MYOC: variants seen among roughly 807,000 people sequenced by gnomAD.
MYOC encodes myocilin.
Under a neutral mutation model 28.2 loss-of-function variants are expected in MYOC, and 29 were observed. The ratio of observed to expected loss-of-function variants is 1.03; its 90% CI spans 0.77 to 1.40. The LOEUF is 1.40. Ranked by LOEUF, MYOC falls within the 40% of genes most tolerant of loss-of-function variation. The pLI is 0.00. For synonymous variants in MYOC, 240 were observed against 245.6 expected, an observed-to-expected ratio of 0.98 and a Z score of 0.21; for missense variants, 569 against 620.6, an observed-to-expected ratio of 0.92 and a Z score of 0.88.
chr1:171,636,323 A>C lies in MYOC; in HGVS notation c.1117T>G (p.Trp373Gly). ...AAGTCAATGTCCGTGTAGCCACCCC[A>C]AGAATACGGGAACTGTCCGTGGTAG... ...AGYHGQFPYS[W>G]GGYTDIDLAV... Residue 373 changes from tryptophan to glycine, a missense_variant, in exon 3 of 3, where the codon TGG becomes GGG. Coordinates refer to ENST00000037502, the MANE Select transcript of MYOC (RefSeq NM_000261.2). The C allele has an allele frequency of 6.2e-7, 1 of 1,613,894 alleles. No homozygotes were observed. Among genetic ancestry groups the C allele is most frequent in the East Asian group, 2.2e-5 (1 of 44,864 alleles).
chr1:171,643,672 A>G (rs1332539240), intron 1 of MYOC, among the ~76,000 whole-genome samples: 7 of 152,160 alleles, frequency 4.6e-5, no homozygotes, highest in Middle Eastern at 3.4e-3. Flanking sequence ...CATTGTCTCA[A>G]CTCTCAGAAT....
At position 171,635,868 on chromosome 1, in the gene MYOC, C is replaced by T. The variant is rs1006906217; in HGVS notation, c.*57G>A. The T allele has an allele frequency of 1.8e-5, 29 of 1,590,362 alleles. No homozygotes were observed. The East Asian group carries it at 2.0e-4, about 11-fold the overall frequency. ...TGGCTGGCTCTCCCTTCAGCCTGCT[C>T]CCCCCAGGAGCCCTGAGCATCTCCT... On this transcript the variant is annotated 3_prime_UTR_variant, in exon 3 of 3. Transcript: ENST00000037502.
intron 1 of MYOC, among the ~76,000 whole-genome samples, chr1:171,651,474 G>A (rs921373816): frequency 1.3e-5 from 2 of 152,160 alleles, no homozygotes; most frequent in Non-Finnish European, 2.9e-5. Context: ...ATTGGACTGA[G>A]TAAGAAAACT....
rs755765093 is a variant in MYOC at position 171,652,116 on chromosome 1, G to C, written c.496C>G (p.Leu166Val). The C allele has an allele frequency of 3.7e-6, 6 of 1,614,020 alleles. No individual in the cohort carries two copies. In the Admixed American group the frequency reaches 1.0e-4, roughly 27 times the overall value. The change falls in exon 1 of 3, where the codon CTG becomes GTG. Residue 166 changes from leucine (L) to valine (V), a missense_variant. Transcript: ENST00000037502. ...KKRLRQENEN[L>V]ARRLESSSQE... ...CTGCTGCTTTCCAACCTCCTGGCCAGATTCTCATTTTCTTGCCTTAGTCGC... is the reference window on the plus strand; with the variant it reads ...CTGCTGCTTTCCAACCTCCTGGCCACATTCTCATTTTCTTGCCTTAGTCGC...
chr1:171,645,371 G>C (rs899253574), intron 1 of MYOC, among the ~76,000 whole-genome samples: 1 of 151,992 alleles, frequency 6.6e-6, no homozygotes, highest in African/African-American at 2.4e-5. Context: ...CTTGCCACAC[G>C]TTGCAGGTTG....
At position 171,651,988 on chromosome 1, in the gene MYOC, C is replaced by T. The variant is rs370387906; in HGVS notation, c.604+20G>A. 14 of 1,613,990 alleles carry T rather than the reference C, an allele frequency of 8.7e-6. No individual in the cohort carries two copies. The highest frequency in any genetic ancestry group is 1.2e-5 in the Non-Finnish European group (14 of 1,180,038). On this transcript the variant is annotated intron_variant, in intron 1 of 2. Transcript: ENST00000037502. ...CATATCACCTGCTGAACTCAGAGTC[C>T]CCCCACTCTGCATTCTTACCTTCTC...
At chr1:171,651,676 A>G (rs1292469571) in intron 1 of MYOC, among the ~76,000 whole-genome samples, 1 of 152,230 alleles carries the variant, frequency 6.6e-6, no homozygotes, top group African/African-American at 2.4e-5. Context: ...AAAAAAGGAT[A>G]GTTTTTCAAA....
At chr1:171,642,492 G>A (rs1033109442) in intron 1 of MYOC, among the ~76,000 whole-genome samples, 12 of 151,780 alleles carry the variant, frequency 7.9e-5, no homozygotes, top group Non-Finnish European at 1.8e-4. Flanking sequence ...GCAGTCTGTG[G>A]TCTCAGCTAC....
Position 171,636,718 on chromosome 1 carries a change from T to C in MYOC, c.731-9A>G. ...AACTAGTTCTCCACATCCTGGTAAA[T>C]TCAGAAAAGAAAACGAAGCACCACT... is the stretch of plus-strand genomic sequence containing the variant. On this transcript the variant is annotated splice_polypyrimidine_tract_variant and intron_variant, in intron 2 of 2. Transcript: ENST00000037502. The C allele has an allele frequency of 6.2e-7, 1 of 1,600,338 alleles. No homozygotes were observed. Among genetic ancestry groups the C allele is most frequent in the African/African-American group, 1.3e-5 (1 of 75,022 alleles).
At chr1:171,651,341 G>A (rs537883267) in intron 1 of MYOC, among the ~76,000 whole-genome samples, 3,420 of 68,212 alleles carry the variant, frequency 0.05, 103 homozygotes, top group Middle Eastern at 0.11. Flanking sequence ...CCTCACCCCC[G>A]CACCCCCCCC....
At position 171,651,999 on chromosome 1, in the gene MYOC, C is replaced by A. The variant is rs1310847885; in HGVS notation, c.604+9G>T. On this transcript the variant is annotated intron_variant, in intron 1 of 2. Transcript: ENST00000037502. ...CTGAACTCAGAGTCCCCCCACTCTGCATTCTTACCTTCTCTGGAGCCTGGT... is the reference window on the plus strand; with the variant it reads ...CTGAACTCAGAGTCCCCCCACTCTGAATTCTTACCTTCTCTGGAGCCTGGT... 3 of 1,614,208 alleles carry A rather than the reference C, an allele frequency of 1.9e-6. No homozygotes were observed. Among genetic ancestry groups the A allele is most frequent in the Non-Finnish European group, 2.5e-6 (3 of 1,180,042 alleles).
At chr1:171,644,443 AAATT>A (rs1381315119) in intron 1 of MYOC, among the ~76,000 whole-genome samples, 2 of 152,092 alleles carry the variant, frequency 1.3e-5, no homozygotes, top group African/African-American at 2.4e-5. Flanking sequence ...AGTGGGGAGA[AAATT>A]AAGAAAGAAA....
chr1:171,642,619 A>G lies in MYOC; in HGVS notation c.605-3897T>C, dbSNP rs61266591. Among the ~76,000 whole-genome samples, 427 of 151,310 alleles carry G rather than the reference A, an allele frequency of 2.8e-3. 2 individuals carry two copies. Among genetic ancestry groups the G allele is most frequent in the African/African-American group, 9.9e-3 (406 of 41,214 alleles). On this transcript the variant is annotated intron_variant, in intron 1 of 2. Transcript: ENST00000037502. ...ACAGAGTGAGACCCTGTCTTAAAAAAAAAAAAAATTAAAAAAAGAAAGACT... is the reference window on the plus strand; with the variant it reads ...ACAGAGTGAGACCCTGTCTTAAAAAGAAAAAAAATTAAAAAAAGAAAGACT...
chr1:171,636,460 G>T lies in MYOC; in HGVS notation c.980C>A (p.Ala327Asp). Reference sequence around the variant, plus strand: ...ATAGAGGCTCCCCGAGTACACCACAGCACCCGTGCTTTCCAGTGGCCTAGG... The same window carrying T: ...ATAGAGGCTCCCCGAGTACACCACATCACCCGTGCTTTCCAGTGGCCTAGG... ...ILPRPLESTG[A>D]VVYSGSLYFQ... The change falls in exon 3 of 3, where the codon GCT becomes GAT. Residue 327 changes from alanine (A) to aspartate (D), a missense_variant. Coordinates refer to ENST00000037502, the MANE Select transcript of MYOC (RefSeq NM_000261.2). 1 of 1,614,116 alleles carries T rather than the reference G, an allele frequency of 6.2e-7. No individual in the cohort carries two copies. Among genetic ancestry groups the T allele is most frequent in the Non-Finnish European group, 8.5e-7 (1 of 1,179,998 alleles).
intron 2 of MYOC, among the ~76,000 whole-genome samples, chr1:171,636,942 G>C (rs1296148355): frequency 6.6e-6 from 1 of 152,120 alleles, no homozygotes; most frequent in Non-Finnish European, 1.5e-5. Flanking sequence ...ATAGTGTTTT[G>C]GGTAGTAGGG....
At position 171,652,357 on chromosome 1, in the gene MYOC, CA is replaced by C. The variant is rs1558090559; in HGVS notation, c.254del (p.Leu85ArgfsTer18). On this transcript the variant is annotated frameshift_variant, in exon 1 of 3. Transcript: ENST00000037502. LOFTEE classifies it high-confidence loss of function. ...AGCTGAGTCGAGCTTTGGTGGCCTC[CA>C]GGTCTAAGCGTTGGGTGCTGCTGTC... ...QRDSSTQRLD[L>X]EATKARLSSL... The C allele has an allele frequency of 6.2e-7, 1 of 1,611,144 alleles. No homozygotes were observed. Among genetic ancestry groups the C allele is most frequent in the Admixed American group, 1.7e-5 (1 of 59,922 alleles).
chr1:171,648,904 C>A (rs1653287734), intron 1 of MYOC, among the ~76,000 whole-genome samples: 1 of 150,864 alleles, frequency 6.6e-6, no homozygotes, highest in Admixed American at 6.6e-5. Context: ...CCAGGCTGGT[C>A]TTAAACTCCT....
At chr1:171,651,816 T>A (rs995407434) in intron 1 of MYOC, among the ~76,000 whole-genome samples, 192 bp downstream of exon 1, 4 of 152,200 alleles carry the variant, frequency 2.6e-5, no homozygotes, top group Non-Finnish European at 5.9e-5. Flanking sequence ...CTAATCTAAA[T>A]GAAGCTCTCA....
chr1:171,636,145 A>T lies in MYOC; in HGVS notation c.1295T>A (p.Ile432Asn). Residue 432 changes from isoleucine (I) to asparagine (N), a missense_variant, in exon 3 of 3, where the codon ATC (isoleucine) becomes AAC (asparagine). Ile to Asn is a moderately radical substitution (Grantham distance 149, BLOSUM62 -3). Transcript: ENST00000037502. ...GCTGACGGTGTACAAGGTGCCACAGATGATGAAGGCATTGGCGACTGACTG... is the reference window on the plus strand; with the variant it reads ...GCTGACGGTGTACAAGGTGCCACAGTTGATGAAGGCATTGGCGACTGACTG... ...RKQSVANAFIICGTLYTVSSY... is the reference protein window; with the variant it reads ...RKQSVANAFINCGTLYTVSSY... 6.2e-7 allele frequency: 1 copy of T among 1,614,164 alleles called. No individual in the cohort carries two copies. The highest frequency in any genetic ancestry group is 8.5e-7 in the Non-Finnish European group (1 of 1,180,018).
Sources: allele counts gnomAD v4.1 joint callset (sites outside exome capture counted in the v4.1 genomes callset), GRCh38; gene constraint gnomAD v4.1.1; transcripts MANE v1.5; gene names NCBI Gene and HGNC (gene_info 2026-07-23, HGNC 2026-07-21).